The following ETV6 variants were observed in gnomAD, a reference collection of about 807,000 sequenced individuals.
ETV6 encodes the protein ETS variant transcription factor 6, also known as transcription factor ETV6.
In ETV6, 16 loss-of-function variants were observed where a neutral mutation model predicts 51.1. The observed-to-expected ratio is 0.31, with a 90% CI of 0.21 to 0.48. The LOEUF (loss-of-function observed/expected upper bound fraction) is 0.48, where lower values mean the gene tolerates loss of function less well. ETV6 is among the 20% of genes least tolerant of loss of function. The pLI is 0.99. For synonymous variants in ETV6, 240 were observed against 224.1 expected (o/e 1.07, Z -0.64); for missense variants, 458 against 594.8 (o/e 0.77, Z 2.39).
intron 1 of ETV6, among the ~76,000 whole-genome samples, chr12:11,696,408 C>T (rs1325631523): frequency 6.6e-6 from 1 of 152,150 alleles, no homozygotes; most frequent in Non-Finnish European, 1.5e-5. Flanking sequence ...CTTCAGTTTT[C>T]TTGTGAGTAA....
chr12:11,894,244 T>G lies in ETV6; in HGVS notation c.*3198T>G. 4.3e-6 allele frequency: 1 copy of G among 232,614 alleles called. No homozygotes were observed. Among genetic ancestry groups the G allele is most frequent in the Non-Finnish European group, 8.5e-6 (1 of 117,620 alleles). 14.4% of individuals were successfully genotyped at this position (232,614 alleles called of 1,614,324 possible). On this transcript the variant is annotated 3_prime_UTR_variant, in exon 8 of 8. Coordinates refer to ENST00000396373, the MANE Select transcript of ETV6 (RefSeq NM_001987.5). ...TAGGGGTGTTGTCAGGAGACAAATC[T>G]GAAGTCAGGAGAGGAAAATGCAAAG... is the stretch of plus-strand genomic sequence containing the variant.
At chr12:11,857,199 T>A (rs553546045) in intron 4 of ETV6, among the ~76,000 whole-genome samples, 1 of 152,250 alleles carries the variant, frequency 6.6e-6, no homozygotes, top group South Asian at 2.1e-4. Context: ...TGTGTCTTGC[T>A]CAATCTAGCA....
intron 4 of ETV6, among the ~76,000 whole-genome samples, chr12:11,858,453 T>C (rs140842664): frequency 3.5e-4 from 53 of 152,166 alleles, no homozygotes; most frequent in African/African-American, 9.9e-4. Flanking sequence ...TACTGGAATA[T>C]TGGCCCCCCA....
intron 3 of ETV6, 34 bp from the exon 4 acceptor site, chr12:11,853,393 C>T (rs996984733): frequency 6.2e-7 from 1 of 1,613,222 alleles, no homozygotes; most frequent in Non-Finnish European, 8.5e-7. Flanking sequence ...AACATCTTTC[C>T]ATTTCTCGAT....
At chr12:11,750,024 G>C (rs992497666) in intron 1 of ETV6, among the ~76,000 whole-genome samples, 13 of 152,228 alleles carry the variant, frequency 8.5e-5, no homozygotes, top group Admixed American at 7.2e-4. Context: ...GTGGGCCACA[G>C]TCTCTTCATC....
chr12:11,879,914 T>G (rs1565565275), intron 5 of ETV6, among the ~76,000 whole-genome samples: 1 of 151,992 alleles, frequency 6.6e-6, no homozygotes, highest in East Asian at 1.9e-4. Flanking sequence ...GCTGAAAAAT[T>G]CCAGGTGAGC....
intron 4 of ETV6, among the ~76,000 whole-genome samples, chr12:11,862,962 G>A (rs1946737138): frequency 6.6e-6 from 1 of 152,204 alleles, no homozygotes; most frequent in Non-Finnish European, 1.5e-5. Flanking sequence ...GAGGGAGAAA[G>A]TGAAACCCAG....
rs116360920 is a variant in ETV6, at chr12:11,734,130, C to T, written c.34-18320C>T. Among the ~76,000 whole-genome samples the T allele has an allele frequency of 8.4e-3, 1,284 of 152,268 alleles. 14 individuals carry two copies. Among genetic ancestry groups the T allele is most frequent in the African/African-American group, 0.029 (1,188 of 41,546 alleles). On this transcript the variant is annotated intron_variant, in intron 1 of 7. Transcript: ENST00000396373. ...AATCAGATCTTTGGATTTCCATTTTCCCATTTTTATTCTTATTTTCTCCCT... is the reference window on the plus strand; with the variant it reads ...AATCAGATCTTTGGATTTCCATTTTTCCATTTTTATTCTTATTTTCTCCCT...
At chr12:11,878,453 G>A (rs981300051) in intron 5 of ETV6, among the ~76,000 whole-genome samples, 6 of 152,022 alleles carry the variant, frequency 3.9e-5, no homozygotes, top group Non-Finnish European at 5.9e-5. Flanking sequence ...TGAGCAAAGC[G>A]GAGGCTGGGC....
At chr12:11,734,540 A>AAAG (rs1189322773) in intron 1 of ETV6, among the ~76,000 whole-genome samples, 4 of 151,952 alleles carry the variant, frequency 2.6e-5, no homozygotes, top group African/African-American at 4.8e-5. Flanking sequence ...AAAAAAAAAA[A>AAAG]AAGAAGAAGA....
intron 2 of ETV6, among the ~76,000 whole-genome samples, chr12:11,830,943 A>G (rs1236769458): frequency 6.6e-6 from 1 of 152,240 alleles, no homozygotes; most frequent in Non-Finnish European, 1.5e-5. Flanking sequence ...AAGGGAAATG[A>G]GAGACAAGAA....
rs193039450 is a variant in ETV6, at chr12:11,703,643, T to G, written c.34-48807T>G. Among the ~76,000 whole-genome samples, 2 of 152,264 alleles carry G rather than the reference T, an allele frequency of 1.3e-5. 1 individual carries two copies. The highest frequency in any genetic ancestry group is 4.1e-4 in the South Asian group (2 of 4,824). On this transcript the variant is annotated intron_variant, in intron 1 of 7. Transcript: ENST00000396373. ...CCCAAGAGCACTAAGTGAAAGCAAA[T>G]GCATGTTAAGTCGTGGGGGCTATTC...
At chr12:11,824,202 A>G (rs183537893) in intron 2 of ETV6, among the ~76,000 whole-genome samples, 6 of 152,174 alleles carry the variant, frequency 3.9e-5, no homozygotes, top group Admixed American at 2.6e-4. Flanking sequence ...CAATAGCAAA[A>G]CCAAAACCCA....
intron 1 of ETV6, among the ~76,000 whole-genome samples, chr12:11,656,855 A>G (rs1864008817): frequency 6.6e-6 from 1 of 151,590 alleles, no homozygotes; most frequent in Non-Finnish European, 1.5e-5. Flanking sequence ...AGCTTTTCAC[A>G]CAATCCATAA....
At chr12:11,802,998 G>A (rs554485292) in intron 2 of ETV6, among the ~76,000 whole-genome samples, 10 of 152,286 alleles carry the variant, frequency 6.6e-5, no homozygotes, top group South Asian at 2.1e-4. Context: ...CATCAAGAAC[G>A]TCTTGTAAGT....
chr12:11,837,865 T>C, intron 2 of ETV6, among the ~76,000 whole-genome samples: 1 of 152,232 alleles, frequency 6.6e-6, no homozygotes, highest in East Asian at 1.9e-4. Flanking sequence ...TCTTAAAAAT[T>C]AATGGAGACC....
intron 1 of ETV6, among the ~76,000 whole-genome samples, chr12:11,744,620 T>G (rs1207679463): frequency 6.6e-6 from 1 of 152,200 alleles, no homozygotes; most frequent in Non-Finnish European, 1.5e-5. Flanking sequence ...CCAGGAGTGG[T>G]GATGTGTGTT....
chr12:11,682,140 G>A lies in ETV6; in HGVS notation c.33+31980G>A, dbSNP rs542467906. ...TCTGGTTCTAGATCCTTGAGGAATC[G>A]CCGCACTGTCCACAATGGTTGAACT... is the stretch of plus-strand genomic sequence containing the variant. On this transcript the variant is annotated intron_variant, in intron 1 of 7. Transcript: ENST00000396373. Among the ~76,000 whole-genome samples, 184 of 152,132 alleles carry A rather than the reference G, an allele frequency of 1.2e-3. 2 individuals carry two copies. The highest frequency in any genetic ancestry group is 1.2e-3 in the Non-Finnish European group (84 of 67,978).
At chr12:11,759,110 A>G (rs1442400068) in intron 2 of ETV6, among the ~76,000 whole-genome samples, 1 of 151,850 alleles carries the variant, frequency 6.6e-6, no homozygotes, top group Non-Finnish European at 1.5e-5. Context: ...TCCTAGCTCC[A>G]TGCTTCCTGA....
Sources: gnomAD v4.1 joint callset for allele counts (sites outside exome capture counted in the v4.1 genomes callset) on GRCh38, gnomAD v4.1.1 for gene constraint, MANE v1.5 for transcripts, NCBI Gene and HGNC (gene_info 2026-07-23, HGNC 2026-07-21) for gene names.